The following KIAA1217 variants were observed in gnomAD, a reference collection of about 807,000 sequenced individuals.
KIAA1217 encodes KIAA1217, also known as sickle tail protein homolog.
A neutral mutation model predicts 163.9 loss-of-function variants in KIAA1217; 88 were observed. The ratio of observed to expected loss-of-function variants is 0.54; its 90% CI spans 0.45 to 0.64. KIAA1217 has a LOEUF of 0.64. KIAA1217 is among the 30% of genes least tolerant of loss of function. The pLI is 0.00. For missense variants in KIAA1217, 2,372 were observed against 2,475.0 expected, an observed-to-expected ratio of 0.96 and a Z score of 0.88; for synonymous variants, 903 against 923.1, an observed-to-expected ratio of 0.98 and a Z score of 0.39.
chr10:24,431,396 A>G (rs1199796256), intron 3 of KIAA1217, among the ~76,000 whole-genome samples: 3 of 152,186 alleles, frequency 2.0e-5, no homozygotes, highest in African/African-American at 7.2e-5. Flanking sequence ...GTGACTTCAC[A>G]TGACAGTCAT....
intron 1 of KIAA1217, among the ~76,000 whole-genome samples, chr10:23,995,086 T>G (rs994959032): frequency 6.6e-6 from 1 of 152,204 alleles, no homozygotes; most frequent in African/African-American, 2.4e-5. Flanking sequence ...GCATTGGTAA[T>G]AGCAGAGAAC....
intron 1 of KIAA1217, among the ~76,000 whole-genome samples, chr10:23,922,722 G>A (rs1388200400): frequency 2.6e-5 from 4 of 152,140 alleles, no homozygotes; most frequent in African/African-American, 4.8e-5. Context: ...TGACTCAAGA[G>A]TGGAGAACAT....
At chr10:24,139,257 G>A (rs564424629) in intron 2 of KIAA1217, among the ~76,000 whole-genome samples, 1 of 151,816 alleles carries the variant, frequency 6.6e-6, no homozygotes. Flanking sequence ...TTGGAATTTG[G>A]TTTAGGTATA....
At position 23,842,889 on chromosome 10, in the gene KIAA1217, T is replaced by C. The variant is rs1045561024; in HGVS notation, c.-321+147655T>C. On this transcript the variant is annotated intron_variant, in intron 1 of 18. Coordinates refer to the KIAA1217 transcript ENST00000376462. ...CAACAATTCTAAGTTTGAACACTGA[T>C]ATGAAAGGAATTAAGTTGTAGGCAA... 3.9e-5 allele frequency among the ~76,000 whole-genome samples: 6 copies of C among 152,212 alleles called. No individual in the cohort carries two copies. In the South Asian group the frequency reaches 8.3e-4, roughly 21 times the overall value.
At chr10:23,761,190 C>T (rs945676468) in intron 1 of KIAA1217, among the ~76,000 whole-genome samples, 2 of 152,170 alleles carry the variant, frequency 1.3e-5, no homozygotes, top group African/African-American at 2.4e-5. Context: ...CATTTGAGCC[C>T]AGGAGTTCAA....
At chr10:24,513,835 G>A (rs905215564) in intron 10 of KIAA1217, among the ~76,000 whole-genome samples, 1 of 149,860 alleles carries the variant, frequency 6.7e-6, no homozygotes, top group Non-Finnish European at 1.5e-5. Context: ...CTCTCCTCCA[G>A]GGCTCAGCAA....
chr10:24,204,899 C>G (rs185347433), upstream of KIAA1217, among the ~76,000 whole-genome samples: 174 of 152,330 alleles, frequency 1.1e-3, 1 homozygote, highest in Non-Finnish European at 1.0e-4. Context: ...TGGAACACAT[C>G]AAACACGAGG....
chr10:24,521,696 C>T lies in KIAA1217; in HGVS notation c.2309-86C>T. 2.0e-6 allele frequency: 3 copies of T among 1,496,068 alleles called. No homozygotes were observed. In the African/African-American group the frequency reaches 4.1e-5, roughly 20 times the overall value. 92.7% of individuals were successfully genotyped at this position (1,496,068 alleles called of 1,614,324 possible). ...CACCCTGTGGCTTGTGAACTCTGCA[C>T]TTCTCTGTCCAGTATCGGAGTGCGG... On this transcript the variant is annotated intron_variant, in intron 11 of 20. Transcript: ENST00000376454.
intron 2 of KIAA1217, among the ~76,000 whole-genome samples, chr10:24,376,875 C>CT (rs2052576269): frequency 6.6e-6 from 1 of 152,168 alleles, no homozygotes; most frequent in Non-Finnish European, 1.5e-5. Context: ...GGGCAAGCTG[C>CT]TTTTTCTATT....
At chr10:24,119,731 T>C (rs1001868028) in intron 2 of KIAA1217, among the ~76,000 whole-genome samples, 1 of 152,206 alleles carries the variant, frequency 6.6e-6, no homozygotes, top group Non-Finnish European at 1.5e-5. Flanking sequence ...CCTTATATAG[T>C]AGCTGTAAAT....
chr10:24,221,100 C>A (rs369485307), intron 2 of KIAA1217, among the ~76,000 whole-genome samples: 1 of 152,080 alleles, frequency 6.6e-6, no homozygotes, highest in Admixed American at 6.6e-5. Context: ...CTTCTGCATG[C>A]GTTGCTTTGT....
intron 1 of KIAA1217, among the ~76,000 whole-genome samples, chr10:23,705,422 T>G (rs182865239): frequency 6.6e-6 from 1 of 152,148 alleles, no homozygotes; most frequent in East Asian, 1.9e-4. Context: ...TAAGTAAAGA[T>G]TTTTGTATAT....
chr10:23,825,865 GAC>G (rs1837872076), intron 1 of KIAA1217, among the ~76,000 whole-genome samples: 2 of 152,276 alleles, frequency 1.3e-5, no homozygotes, highest in South Asian at 4.1e-4. Flanking sequence ...CATTCTTTCT[GAC>G]ACTCGGTGTT....
At chr10:23,904,429 C>T (rs371570184) in intron 1 of KIAA1217, among the ~76,000 whole-genome samples, 8 of 152,252 alleles carry the variant, frequency 5.3e-5, no homozygotes, top group African/African-American at 1.9e-4. Flanking sequence ...CTATGTTTTA[C>T]TATACTTACA....
At chr10:24,317,984 G>A (rs1386217249) in intron 2 of KIAA1217, among the ~76,000 whole-genome samples, 1 of 151,864 alleles carries the variant, frequency 6.6e-6, no homozygotes, top group Non-Finnish European at 1.5e-5. Context: ...TGCTGTGAAG[G>A]TTTGTTTTTT....
chr10:24,205,592 T>G (rs963137088), upstream of KIAA1217, among the ~76,000 whole-genome samples: 1 of 151,610 alleles, frequency 6.6e-6, no homozygotes, highest in Non-Finnish European at 1.5e-5. Flanking sequence ...ACTAACACGG[T>G]GAAACCCCAT....
chr10:24,473,371 T>C lies in KIAA1217; in HGVS notation c.990T>C (p.Ile330=), dbSNP rs776387220. The change falls in exon 6 of 21, where the codon ATT becomes ATC. Residue 330 remains isoleucine, a synonymous_variant. Coordinates refer to ENST00000376454, the MANE Select transcript of KIAA1217 (RefSeq NM_019590.5). ...CCATGCCCCCCTCCCCGTCCAGAAT[T>C]CCTTATGGGGGCACCCGCTCCATGG... ...PHSMPPSPSR[I]PYGGTRSMVV... 6.2e-7 allele frequency: 1 copy of C among 1,609,678 alleles called. No individual in the cohort carries two copies. The highest frequency in any genetic ancestry group is 2.2e-5 in the East Asian group (1 of 44,764).
chr10:23,828,702 C>T (rs1035054769), intron 1 of KIAA1217, among the ~76,000 whole-genome samples: 1 of 152,150 alleles, frequency 6.6e-6, no homozygotes, highest in Non-Finnish European at 1.5e-5. Flanking sequence ...TTCTCACCAA[C>T]CCTCTAAGAT....
chr10:24,256,146 G>T (rs975925447), intron 2 of KIAA1217, among the ~76,000 whole-genome samples: 8 of 151,348 alleles, frequency 5.3e-5, no homozygotes, highest in African/African-American at 1.7e-4. Flanking sequence ...AGGCACAGTT[G>T]CCTGCGGGGC....
Sources: allele counts gnomAD v4.1 joint callset (sites outside exome capture counted in the v4.1 genomes callset), GRCh38; gene constraint gnomAD v4.1.1; transcripts MANE v1.5; gene names NCBI Gene and HGNC (gene_info 2026-07-23, HGNC 2026-07-21).